Variants in INPP5A observed in about 807,000 individuals in gnomAD.
The protein encoded by INPP5A is 43 kDa inositol polyphosphate 5-phophatase.
INPP5A carries 14 observed loss-of-function variants against 65.2 expected under a neutral mutation model. The ratio of observed to expected loss-of-function variants is 0.21; its 90% CI spans 0.14 to 0.34. INPP5A has a LOEUF of 0.34. Among genes scored for constraint, INPP5A ranks in the 10% least tolerant of loss-of-function variants. The pLI is 1.00. For missense variants in INPP5A, 431 were observed against 545.6 expected (o/e 0.79, Z 2.09); for synonymous variants, 207 against 208.3 (o/e 0.99, Z 0.05).
intron 1 of INPP5A, among the ~76,000 whole-genome samples, chr10:132,591,863 T>A (rs2071624123): frequency 6.6e-6 from 1 of 152,204 alleles, no homozygotes; most frequent in Non-Finnish European, 1.5e-5. Flanking sequence ...GAAATGGCAC[T>A]GGGCGTAACG....
chr10:132,710,226 C>T, intron 7 of INPP5A, 111 bp from the exon 8 acceptor site: 1 of 1,329,426 alleles, frequency 7.5e-7, no homozygotes, highest in South Asian at 1.4e-5. Context: ...GGTGGCTCCG[C>T]ACGGCGGAGG....
chr10:132,591,600 C>T (rs1403167242), intron 1 of INPP5A, among the ~76,000 whole-genome samples: 1 of 152,194 alleles, frequency 6.6e-6, no homozygotes, highest in Non-Finnish European at 1.5e-5. Context: ...TGGAAGCGGG[C>T]CTTCTCTTCC....
chr10:132,708,093 C>T (rs924087096), intron 6 of INPP5A, among the ~76,000 whole-genome samples: 11 of 152,224 alleles, frequency 7.2e-5, no homozygotes, highest in African/African-American at 2.4e-4. Flanking sequence ...CACCCCACCC[C>T]AGGCTGGGCA....
At chr10:132,584,006 A>G (rs2071518387) in intron 1 of INPP5A, among the ~76,000 whole-genome samples, 2 of 152,186 alleles carry the variant, frequency 1.3e-5, no homozygotes, top group Admixed American at 1.3e-4. Flanking sequence ...TTCCTTGGGC[A>G]CAGGAGGTAG....
chr10:132,561,228 A>G (rs992208094), intron 1 of INPP5A, among the ~76,000 whole-genome samples: 1 of 57,726 alleles, frequency 1.7e-5, no homozygotes, highest in Non-Finnish European at 3.1e-5. Flanking sequence ...ACACCTGGCT[A>G]GTTTTTTTTA....
chr10:132,624,923 G>A (rs1052097904), intron 2 of INPP5A, among the ~76,000 whole-genome samples: 9 of 151,770 alleles, frequency 5.9e-5, no homozygotes, highest in African/African-American at 1.2e-4. Context: ...ATGTGGCATC[G>A]CACCTGTCAG....
Position 132,538,196 on chromosome 10 carries a change from GC to G in INPP5A, c.75+29del. On this transcript the variant is annotated intron_variant, in intron 1 of 15. Coordinates refer to ENST00000368594, the MANE Select transcript of INPP5A (RefSeq NM_005539.5). This position sits in a 1 kb window ranked among gnomAD's most constrained non-coding sequence, Gnocchi z 4.1. ...CGTAAGTCCCCCGTGCCGGCGGCAGGCCCCAAGCCCGGAACCCCCGACCCTG... is the reference window on the plus strand; with the variant it reads ...CGTAAGTCCCCCGTGCCGGCGGCAGGCCCAAGCCCGGAACCCCCGACCCTG... 8.0e-7 allele frequency: 1 copy of G among 1,256,300 alleles called. No individual in the cohort carries two copies. The highest frequency in any genetic ancestry group is 2.9e-5 in the South Asian group (1 of 34,878). The allele number at this position is 1,256,300 out of a possible 1,614,324, so 77.8% of individuals were successfully genotyped here.
intron 4 of INPP5A, among the ~76,000 whole-genome samples, chr10:132,660,673 A>G (rs1171290454): frequency 6.6e-6 from 1 of 152,164 alleles, no homozygotes; most frequent in Non-Finnish European, 1.5e-5. Flanking sequence ...AAGAGCCTAG[A>G]ATCTTGACTG....
At chr10:132,594,141 C>T (rs1432494403) in intron 1 of INPP5A, among the ~76,000 whole-genome samples, 5 of 152,180 alleles carry the variant, frequency 3.3e-5, no homozygotes, top group African/African-American at 1.2e-4. Flanking sequence ...CTGTCTTCAT[C>T]CTGTTTATAT....
At chr10:132,702,329 G>C (rs1375048635) in intron 6 of INPP5A, among the ~76,000 whole-genome samples, 2 of 151,992 alleles carry the variant, frequency 1.3e-5, no homozygotes, top group Non-Finnish European at 2.9e-5. Flanking sequence ...TATTTATTCA[G>C]TCTATGGATA....
chr10:132,736,514 G>A (rs931444699), intron 9 of INPP5A, among the ~76,000 whole-genome samples: 20 of 152,232 alleles, frequency 1.3e-4, no homozygotes, highest in South Asian at 2.1e-4. Flanking sequence ...AGGGGCTGAC[G>A]TCGCAAGGAG....
chr10:132,682,383 G>A (rs762153263), intron 4 of INPP5A, among the ~76,000 whole-genome samples: 18 of 152,262 alleles, frequency 1.2e-4, no homozygotes, highest in Non-Finnish European at 2.9e-5. Context: ...AGGTGGGTAC[G>A]ATGGTCAAGT....
intron 1 of INPP5A, among the ~76,000 whole-genome samples, chr10:132,565,185 C>T (rs1053777424): frequency 2.0e-5 from 3 of 152,226 alleles, no homozygotes; most frequent in African/African-American, 4.8e-5. Flanking sequence ...TCACGGCTTA[C>T]TGCAGCCTTG....
At chr10:132,607,230 T>A (rs573987974) in intron 1 of INPP5A, among the ~76,000 whole-genome samples, 4 of 152,160 alleles carry the variant, frequency 2.6e-5, no homozygotes, top group Non-Finnish European at 5.9e-5. Context: ...ATTTTCAGGC[T>A]TGCGCTTAGC....
At chr10:132,626,370 T>G (rs1329954268) in intron 2 of INPP5A, among the ~76,000 whole-genome samples, 4 of 152,228 alleles carry the variant, frequency 2.6e-5, no homozygotes, top group African/African-American at 9.7e-5. Flanking sequence ...TCAGGGAGAC[T>G]GTTGGCTGTA....
chr10:132,688,088 C>T (rs907265925), intron 4 of INPP5A, among the ~76,000 whole-genome samples: 6 of 152,214 alleles, frequency 3.9e-5, no homozygotes, highest in African/African-American at 1.4e-4. Context: ...GCTGCACAGC[C>T]TCCAGGGAGC....
chr10:132,712,714 G>A (rs1393189344), intron 8 of INPP5A, among the ~76,000 whole-genome samples: 1 of 151,386 alleles, frequency 6.6e-6, no homozygotes, highest in Non-Finnish European at 1.5e-5. Context: ...GTGCATGTGA[G>A]TGCAGGTGTA....
intron 12 of INPP5A, among the ~76,000 whole-genome samples, chr10:132,777,239 C>T (rs1160975812): frequency 1.3e-5 from 2 of 152,362 alleles, no homozygotes; most frequent in South Asian, 2.1e-4. Flanking sequence ...CCACGTGTGC[C>T]ACACCCCAGA....
Position 132,697,599 on chromosome 10 carries a change from G to C in INPP5A, c.371-217G>C, listed in dbSNP as rs1021415660. On this transcript the variant is annotated intron_variant, in intron 5 of 15. Transcript: ENST00000368594. This position sits in a 1 kb window ranked among gnomAD's most constrained non-coding sequence, Gnocchi z 5.6. ...CAGGCGATAATGGAGTGGAGTGTCAGATTCCAGGTCATGGGAGGGGAATTT... is the reference window on the plus strand; with the variant it reads ...CAGGCGATAATGGAGTGGAGTGTCACATTCCAGGTCATGGGAGGGGAATTT... 9.2e-5 allele frequency among the ~76,000 whole-genome samples: 14 copies of C among 152,174 alleles called. No homozygotes were observed. Among genetic ancestry groups the C allele is most frequent in the Admixed American group, 2.6e-4 (4 of 15,284 alleles).
Sources: gnomAD v4.1 joint callset for allele counts (sites outside exome capture counted in the v4.1 genomes callset) on GRCh38, gnomAD v4.1.1 for gene constraint, Gnocchi (gnomAD v3.1) non-coding constraint, MANE v1.5 for transcripts, NCBI Gene and HGNC (gene_info 2026-07-23, HGNC 2026-07-21) for gene names.